NELL1: variants seen among roughly 807,000 people sequenced by gnomAD.
The protein encoded by NELL1 is neural EGFL like 1.
In NELL1, 76 loss-of-function variants were observed where a neutral mutation model predicts 107.4. The ratio of observed to expected loss-of-function variants is 0.71; its 90% CI spans 0.59 to 0.86. The LOEUF (loss-of-function observed/expected upper bound fraction) is 0.86, where lower values mean the gene tolerates loss of function less well. Among genes scored for constraint, NELL1 ranks in the 40% least tolerant of loss-of-function variants. The pLI, the probability that NELL1 is intolerant of heterozygous loss-of-function variation, is 0.00. For missense variants in NELL1, 1,024 were observed against 1,005.5 expected, an observed-to-expected ratio of 1.02 and a Z score of -0.25; for synonymous variants, 353 against 341.2, an observed-to-expected ratio of 1.03 and a Z score of -0.38.
intron 4 of NELL1, among the ~76,000 whole-genome samples, chr11:20,871,822 A>G (rs1447218335): frequency 2.6e-5 from 4 of 151,640 alleles, no homozygotes; most frequent in Admixed American, 2.0e-4. Context: ...GATCAAAACC[A>G]TCCTGGCTAA....
At chr11:20,953,310 G>A (rs1851105277) in intron 11 of NELL1, among the ~76,000 whole-genome samples, 1 of 152,170 alleles carries the variant, frequency 6.6e-6, no homozygotes, top group African/African-American at 2.4e-5. Flanking sequence ...TACTTTAGGG[G>A]CAGGAGATTG....
intron 13 of NELL1, among the ~76,000 whole-genome samples, chr11:21,209,870 C>T (rs551681125): frequency 2.0e-5 from 3 of 152,260 alleles, no homozygotes; most frequent in Non-Finnish European, 2.9e-5. Flanking sequence ...GAAACTGATA[C>T]TCCTTAATAA....
chr11:21,274,248 C>T (rs190919888), intron 14 of NELL1, among the ~76,000 whole-genome samples: 28 of 152,234 alleles, frequency 1.8e-4, no homozygotes, highest in Admixed American at 1.0e-3. Context: ...GCAGGGGTTG[C>T]AATCCTAGTC....
chr11:21,503,070 G>A (rs1357025918), intron 15 of NELL1, among the ~76,000 whole-genome samples: 2 of 151,994 alleles, frequency 1.3e-5, no homozygotes, highest in African/African-American at 2.4e-5. Flanking sequence ...TAGTAGAGAC[G>A]GGGTTTCTCC....
chr11:21,318,523 C>A (rs888001695), intron 14 of NELL1, among the ~76,000 whole-genome samples: 10 of 152,108 alleles, frequency 6.6e-5, no homozygotes, highest in Non-Finnish European at 1.5e-4. Context: ...ATCCATACTT[C>A]CGGCCCCACT....
At chr11:20,744,220 T>C (rs1489001916) in intron 2 of NELL1, among the ~76,000 whole-genome samples, 1 of 152,238 alleles carries the variant, frequency 6.6e-6, no homozygotes, top group Non-Finnish European at 1.5e-5. Flanking sequence ...AACACTCTTA[T>C]GCTGAAAACT....
At chr11:20,917,881 G>T (rs1850291099) in intron 5 of NELL1, among the ~76,000 whole-genome samples, 1 of 151,846 alleles carries the variant, frequency 6.6e-6, no homozygotes, top group Admixed American at 6.6e-5. Context: ...GGATGATTAG[G>T]GCATTAAGGA....
intron 12 of NELL1, among the ~76,000 whole-genome samples, chr11:21,061,779 G>A (rs1187755793): frequency 1.3e-5 from 2 of 152,134 alleles, no homozygotes; most frequent in Non-Finnish European, 2.9e-5. Flanking sequence ...CTGGAGGTGG[G>A]AGCATTTATG....
intron 13 of NELL1, among the ~76,000 whole-genome samples, chr11:21,189,718 A>G (rs893971236): frequency 1.3e-5 from 2 of 148,724 alleles, no homozygotes; most frequent in Non-Finnish European, 3.0e-5. Flanking sequence ...CTCTGGTACT[A>G]TAAGAATTAA....
intron 14 of NELL1, among the ~76,000 whole-genome samples, chr11:21,281,482 G>C (rs553815389): frequency 6.6e-6 from 1 of 152,180 alleles, no homozygotes; most frequent in Non-Finnish European, 1.5e-5. Flanking sequence ...GGAGGAACTT[G>C]CTTCCCTGAA....
chr11:21,492,504 C>A (rs1439263253), intron 15 of NELL1, among the ~76,000 whole-genome samples: 5 of 151,516 alleles, frequency 3.3e-5, no homozygotes, highest in African/African-American at 1.2e-4. Flanking sequence ...CCCAAATGTC[C>A]AACAATGATA....
At chr11:21,507,807 A>C (rs1855324697) in intron 15 of NELL1, among the ~76,000 whole-genome samples, 1 of 149,186 alleles carries the variant, frequency 6.7e-6, no homozygotes, top group Non-Finnish European at 1.5e-5. Context: ...TTTGAGACGG[A>C]GTCTCACTCT....
chr11:21,453,165 C>A (rs891707856), intron 15 of NELL1, among the ~76,000 whole-genome samples: 1 of 152,014 alleles, frequency 6.6e-6, no homozygotes, highest in African/African-American at 2.4e-5. Context: ...TATTATTGCT[C>A]ATTTATTTTC....
intron 14 of NELL1, among the ~76,000 whole-genome samples, chr11:21,248,780 A>G (rs1402694659): frequency 6.6e-6 from 1 of 152,192 alleles, no homozygotes; most frequent in Non-Finnish European, 1.5e-5. Context: ...AGACCATTAT[A>G]ACAGTGCATT....
chr11:21,123,797 C>A (rs899095492), intron 13 of NELL1, among the ~76,000 whole-genome samples: 7 of 151,800 alleles, frequency 4.6e-5, no homozygotes, highest in African/African-American at 9.7e-5. Flanking sequence ...CTGGAAGCAG[C>A]GTAAATATAA....
intron 2 of NELL1, among the ~76,000 whole-genome samples, chr11:20,701,137 T>C (rs919880560): frequency 6.6e-6 from 1 of 152,132 alleles, no homozygotes; most frequent in Non-Finnish European, 1.5e-5. Context: ...AGTGTAAAAG[T>C]GTTCCTATTT....
intron 2 of NELL1, among the ~76,000 whole-genome samples, chr11:20,704,332 C>CT (rs1053261942): frequency 1.3e-5 from 2 of 151,490 alleles, no homozygotes; most frequent in African/African-American, 2.4e-5. Context: ...GCAACCCTTG[C>CT]TTTTTTTTGT....
chr11:20,877,679 G>T (rs1301377075), intron 4 of NELL1, among the ~76,000 whole-genome samples: 1 of 152,232 alleles, frequency 6.6e-6, no homozygotes, highest in East Asian at 1.9e-4. Flanking sequence ...TTCAATGATT[G>T]ACTTTGACAA....
intron 2 of NELL1, among the ~76,000 whole-genome samples, chr11:20,755,283 G>C (rs868013020): frequency 6.6e-5 from 10 of 152,160 alleles, no homozygotes; most frequent in African/African-American, 2.2e-4. Context: ...CAGCATCCTG[G>C]ATCCAGTTGT....
Sources: allele counts gnomAD v4.1 joint callset (sites outside exome capture counted in the v4.1 genomes callset), GRCh38; gene constraint gnomAD v4.1.1; transcripts MANE v1.5; gene names NCBI Gene and HGNC (gene_info 2026-07-23, HGNC 2026-07-21).